MARCHF11: variants seen among roughly 807,000 people sequenced by gnomAD.
MARCHF11 encodes membrane associated ring-CH-type finger 11.
A neutral mutation model predicts 37.3 loss-of-function variants in MARCHF11; 29 were observed. That is an observed-to-expected ratio of 0.78 (90% CI 0.58 to 1.06). MARCHF11 has a LOEUF of 1.06. Ranked by LOEUF, MARCHF11 falls within the 50% of genes least tolerant of loss-of-function variation. The pLI is 0.00. For synonymous variants in MARCHF11, 233 were observed against 228.0 expected (o/e 1.02, Z -0.20); for missense variants, 482 against 533.4 (o/e 0.90, Z 0.95).
chr5:16,071,332 G>A (rs1005232696), intron 3 of MARCHF11, among the ~76,000 whole-genome samples: 8 of 152,166 alleles, frequency 5.3e-5, no homozygotes, highest in African/African-American at 1.9e-4. Flanking sequence ...GAGTTGAGGA[G>A]TGTGTGCATG....
chr5:16,161,409 C>T (rs768344536), intron 2 of MARCHF11, among the ~76,000 whole-genome samples: 29 of 151,844 alleles, frequency 1.9e-4, no homozygotes, highest in Non-Finnish European at 3.4e-4. Flanking sequence ...TAATAACCCA[C>T]TTATGCTTAC....
chr5:16,094,275 G>T (rs1736830801), intron 2 of MARCHF11, among the ~76,000 whole-genome samples: 1 of 152,122 alleles, frequency 6.6e-6, no homozygotes, highest in South Asian at 2.1e-4. Context: ...GTCCTTGGAG[G>T]GTGTGCATTA....
intron 2 of MARCHF11, among the ~76,000 whole-genome samples, chr5:16,148,260 A>G (rs917954462): frequency 6.6e-6 from 1 of 152,150 alleles, no homozygotes; most frequent in Non-Finnish European, 1.5e-5. Context: ...AATTTATGAA[A>G]AAAAGTACCT....
chr5:16,135,855 G>A (rs545243054), intron 2 of MARCHF11, among the ~76,000 whole-genome samples: 286 of 148,762 alleles, frequency 1.9e-3, no homozygotes, highest in Non-Finnish European at 3.3e-3. Context: ...AAAGGAAGGC[G>A]GGAAGGGAGG....
chr5:16,147,381 T>C (rs1737816801), intron 2 of MARCHF11, among the ~76,000 whole-genome samples: 2 of 152,152 alleles, frequency 1.3e-5, no homozygotes, highest in Non-Finnish European at 2.9e-5. Context: ...ATTATCTCCA[T>C]TTAATAGCTG....
intron 2 of MARCHF11, among the ~76,000 whole-genome samples, chr5:16,140,185 A>T (rs1737678748): frequency 6.6e-6 from 1 of 152,204 alleles, no homozygotes; most frequent in African/African-American, 2.4e-5. Context: ...TTCACAGCCT[A>T]AACTACTTAT....
chr5:16,106,744 C>A (rs1048665095), intron 2 of MARCHF11, among the ~76,000 whole-genome samples: 1 of 152,136 alleles, frequency 6.6e-6, no homozygotes, highest in African/African-American at 2.4e-5. Context: ...CGGGTAGAGG[C>A]TAGGGATGCT....
chr5:16,142,342 C>T (rs1157099890), intron 2 of MARCHF11, among the ~76,000 whole-genome samples: 1 of 152,166 alleles, frequency 6.6e-6, no homozygotes, highest in Non-Finnish European at 1.5e-5. Context: ...CTCATGTTCA[C>T]CTTTATTGTA....
At chr5:16,143,086 A>G (rs948240127) in intron 2 of MARCHF11, among the ~76,000 whole-genome samples, 1 of 151,754 alleles carries the variant, frequency 6.6e-6, no homozygotes, top group African/African-American at 2.4e-5. Context: ...CAGATCTTAA[A>G]CAGGGCAGAA....
At chr5:16,074,924 CCT>C (rs1484493457) in intron 3 of MARCHF11, among the ~76,000 whole-genome samples, 4 of 152,300 alleles carry the variant, frequency 2.6e-5, no homozygotes, top group East Asian at 1.9e-4. Context: ...ACTATGTCCC[CCT>C]GTCTGCTTCA....
At chr5:16,069,304 G>A (rs952969245) in intron 3 of MARCHF11, among the ~76,000 whole-genome samples, 1 of 152,104 alleles carries the variant, frequency 6.6e-6, no homozygotes, top group Non-Finnish European at 1.5e-5. Context: ...ATATATGGTA[G>A]ACATATAAAA....
At chr5:16,128,481 A>T (rs1737457517) in intron 2 of MARCHF11, among the ~76,000 whole-genome samples, 1 of 152,200 alleles carries the variant, frequency 6.6e-6, no homozygotes, top group Non-Finnish European at 1.5e-5. Context: ...CCACTGAGAT[A>T]ACCCCTAGGG....
At chr5:16,151,828 C>G (rs1304821762) in intron 2 of MARCHF11, among the ~76,000 whole-genome samples, 1 of 151,820 alleles carries the variant, frequency 6.6e-6, no homozygotes, top group African/African-American at 2.4e-5. Context: ...TCCCATTAAG[C>G]AAAGGAATGC....
intron 2 of MARCHF11, among the ~76,000 whole-genome samples, chr5:16,159,705 C>G (rs543416510): frequency 1.6e-4 from 25 of 151,908 alleles, no homozygotes; most frequent in African/African-American, 5.8e-4. Flanking sequence ...GAGCCATTTT[C>G]AGGGATTCAC....
In MARCHF11 at chr5:16,070,784, C is replaced by T. The variant is rs1435570837; in HGVS notation, c.887-2991G>A. Among the ~76,000 whole-genome samples the T allele has an allele frequency of 2.6e-5, 4 of 152,128 alleles. No homozygotes were observed. In the East Asian group the frequency reaches 5.8e-4, roughly 22 times the overall value. On this transcript the variant is annotated intron_variant, in intron 3 of 3. Transcript: ENST00000332432. ...CACAGTCCCTTTGAATTTCCAGCTC[C>T]CTAGGCTGCTTTTTAATTGCCGTAG... is the stretch of plus-strand genomic sequence containing the variant.
At chr5:16,099,579 A>G (rs886853626) in intron 2 of MARCHF11, among the ~76,000 whole-genome samples, 19 of 145,284 alleles carry the variant, frequency 1.3e-4, no homozygotes, top group Non-Finnish European at 2.5e-4. Context: ...ATAGTAACAG[A>G]AAAAAAAAAG....
intron 3 of MARCHF11, among the ~76,000 whole-genome samples, chr5:16,087,682 G>C (rs1196752881): frequency 6.6e-6 from 1 of 152,142 alleles, no homozygotes; most frequent in African/African-American, 2.4e-5. Context: ...AACTATGATA[G>C]CGGCTAGACC....
intron 2 of MARCHF11, among the ~76,000 whole-genome samples, chr5:16,146,617 G>A (rs1228887657): frequency 6.6e-6 from 1 of 152,138 alleles, no homozygotes; most frequent in African/African-American, 2.4e-5. Context: ...GCAGCTCCAA[G>A]GACTGAAGAC....
intron 3 of MARCHF11, among the ~76,000 whole-genome samples, chr5:16,075,237 G>T (rs898858156): frequency 1.3e-5 from 2 of 152,132 alleles, no homozygotes; most frequent in Non-Finnish European, 2.9e-5. Flanking sequence ...TGCTAATTCT[G>T]TCTTCTTGGC....
Sources: allele counts gnomAD v4.1 joint callset (sites outside exome capture counted in the v4.1 genomes callset), GRCh38; gene constraint gnomAD v4.1.1; transcripts MANE v1.5; gene names NCBI Gene and HGNC (gene_info 2026-07-23, HGNC 2026-07-21).